Variants in LRP1 observed in about 807,000 individuals in gnomAD.
LRP1 encodes prolow-density lipoprotein receptor-related protein 1.
In LRP1, 51 loss-of-function variants were observed where a neutral mutation model predicts 541.5. The ratio of observed to expected loss-of-function variants is 0.09; its 90% CI spans 0.08 to 0.12. The LOEUF is 0.12. LRP1 is among the 10% of genes least tolerant of loss of function. LRP1 has a pLI of 1.00. For missense variants in LRP1, 3,878 were observed against 6,376.2 expected (o/e 0.61, Z 13.34); for synonymous variants, 2,219 against 2,470.8 (o/e 0.90, Z 3.02).
intron 6 of LRP1, among the ~76,000 whole-genome samples, chr12:57,152,457 A>G (rs535335157): frequency 6.6e-6 from 1 of 152,272 alleles, no homozygotes; most frequent in African/African-American, 2.4e-5. Context: ...CAGGGGATGC[A>G]GGCAGGTCCC....
chr12:57,141,516 G>A lies in LRP1; in HGVS notation c.328+5G>A. 6.2e-7 allele frequency: 1 copy of A among 1,614,158 alleles called. No homozygotes were observed. Among genetic ancestry groups the A allele is most frequent in the Non-Finnish European group, 8.5e-7 (1 of 1,180,020 alleles). On this transcript the variant is annotated splice_donor_5th_base_variant and intron_variant, in intron 3 of 88. Coordinates refer to ENST00000243077, the MANE Select transcript of LRP1 (RefSeq NM_002332.3). Reference sequence around the variant, plus strand: ...ATGAGGGGCCCCACTGCCGAGGTAAGGACTTTTCCACTCTCTACTCTCCCG... The same window carrying A: ...ATGAGGGGCCCCACTGCCGAGGTAAAGACTTTTCCACTCTCTACTCTCCCG...
In LRP1 at chr12:57,179,872, T is replaced by C; in HGVS notation, c.5057T>C (p.Val1686Ala). The change falls in exon 30 of 89, where the codon GTG (valine) becomes GCG (alanine). Residue 1686 changes from valine to alanine, a missense_variant. Coordinates refer to ENST00000243077, the MANE Select transcript of LRP1 (RefSeq NM_002332.3). The surrounding 1 kb of genome is among the most constrained non-coding windows in gnomAD (Gnocchi z 6.8). ...GACACCAATAAGAAGCAGATCAATG[T>C]GGCCCGGCTGGATGGCTCCTTCAAG... ...SYDTNKKQIN[V>A]ARLDGSFKNA... 6.2e-7 allele frequency: 1 copy of C among 1,614,166 alleles called. No individual in the cohort carries two copies. The highest frequency in any genetic ancestry group is 8.5e-7 in the Non-Finnish European group (1 of 1,180,028).
At position 57,145,222 on chromosome 12, in the gene LRP1, C is replaced by G; in HGVS notation, c.578-5C>G. The G allele has an allele frequency of 1.9e-6, 3 of 1,614,102 alleles. No individual in the cohort carries two copies. The highest frequency in any genetic ancestry group is 2.5e-6 in the Non-Finnish European group (3 of 1,179,998). On this transcript the variant is annotated splice_region_variant and splice_polypyrimidine_tract_variant and intron_variant, in intron 5 of 88. Transcript: ENST00000243077. ...TGCACGGACTCTTCTCTTCCCCATT[C>G]CCAGAGCCAGTAGACCGGCCCCCTG...
Position 57,145,071 on chromosome 12 carries a change from C to T in LRP1, c.548C>T (p.Pro183Leu), listed in dbSNP as rs79597834. Reference sequence around the variant, plus strand: ...TGTGTTGAAGGATACCTCCTGCAGCCGGATAACCGCTCCTGCAAGGCCAAG... The same window carrying T: ...TGTGTTGAAGGATACCTCCTGCAGCTGGATAACCGCTCCTGCAAGGCCAAG... ...CGCVEGYLLQ[P>L]DNRSCKAKNE... Residue 183 changes from proline to leucine, a missense_variant, in exon 5 of 89, where the codon CCG becomes CTG. Physicochemically the swap from Pro to Leu is moderately conservative, Grantham distance 98 (BLOSUM62 -3). Around this residue, in one of 13 missense-constraint regions of LRP1, gnomAD observed 293 missense variants for 403.7 expected, o/e 0.73. Coordinates refer to ENST00000243077, the MANE Select transcript of LRP1 (RefSeq NM_002332.3). 1.4e-5 allele frequency: 22 copies of T among 1,613,956 alleles called. No homozygotes were observed. Among genetic ancestry groups the T allele is most frequent in the East Asian group, 8.9e-5 (4 of 44,882 alleles).
At chr12:57,135,771 C>T (rs2035147078) in intron 1 of LRP1, among the ~76,000 whole-genome samples, 1 of 152,108 alleles carries the variant, frequency 6.6e-6, no homozygotes, top group Admixed American at 6.5e-5. Context: ...TCTCTCATTC[C>T]AGCTTTTGGA....
In LRP1 at chr12:57,143,797, A is replaced by C. The variant is rs888148835; in HGVS notation, c.447A>C (p.Lys149Asn). The C allele has an allele frequency of 1.9e-6, 3 of 1,613,242 alleles. No homozygotes were observed. Among genetic ancestry groups the C allele is most frequent in the Non-Finnish European group, 8.5e-7 (1 of 1,179,574 alleles). Residue 149 changes from lysine to asparagine, a missense_variant and splice_region_variant, in exon 4 of 89, where the codon AAA (lysine) becomes AAC (asparagine). Lys to Asn is a moderately conservative substitution (Grantham distance 94). Around this residue, in one of 13 missense-constraint regions of LRP1, gnomAD observed 293 missense variants for 403.7 expected, o/e 0.73. Coordinates refer to ENST00000243077, the MANE Select transcript of LRP1 (RefSeq NM_002332.3). ...TTCAGGCAGATGGCAAGACCTGCAA[A>C]GGTATGTGAGTGCATGTGCCTGTGT... is the stretch of plus-strand genomic sequence containing the variant. ...FQLQADGKTC[K>N]DFDECSVYGT...
chr12:57,207,614 G>C (rs1167750705), intron 76 of LRP1, among the ~76,000 whole-genome samples: 4 of 152,224 alleles, frequency 2.6e-5, no homozygotes, highest in African/African-American at 7.2e-5. Context: ...TCTTAGGATT[G>C]TGTTCTGAGG....
chr12:57,136,537 C>T (rs1277133044), intron 1 of LRP1, among the ~76,000 whole-genome samples: 2 of 152,224 alleles, frequency 1.3e-5, no homozygotes, highest in Admixed American at 6.5e-5. Flanking sequence ...ATGCCTAGTG[C>T]AGTGCCTGGC....
rs567633171 is a variant in LRP1, at chr12:57,179,090, C to G, written c.4738+69C>G. 2.8e-5 allele frequency: 44 copies of G among 1,561,118 alleles called. No individual in the cohort carries two copies. The East Asian group carries it at 5.6e-4, about 20-fold the overall frequency. The stretch of plus-strand genomic sequence containing the variant: ...AGGGAAGGCCGCAGGCCCCAGGATC[C>G]CGGTTGTCAGCTAAGGCAGAGTCCC... On this transcript the variant is annotated intron_variant, in intron 28 of 88. Transcript: ENST00000243077. This position sits in a 1 kb window ranked among gnomAD's most constrained non-coding sequence, Gnocchi z 6.8.
rs372912088 is a variant in LRP1 at position 57,205,278 on chromosome 12, G to T, written c.11335+29G>T. ...AGGCCCGGCAGCGGACCGGACGCTG[G>T]TGGGGAGTGGGGAGAGCCAAGCCCT... is the stretch of plus-strand genomic sequence containing the variant. On this transcript the variant is annotated intron_variant, in intron 73 of 88. Coordinates refer to ENST00000243077, the MANE Select transcript of LRP1 (RefSeq NM_002332.3). This position sits in a 1 kb window ranked among gnomAD's most constrained non-coding sequence, Gnocchi z 4.6. 1 of 1,599,034 alleles carries T rather than the reference G, an allele frequency of 6.3e-7. No individual in the cohort carries two copies. The highest frequency in any genetic ancestry group is 1.1e-5 in the South Asian group (1 of 89,844).
In LRP1 at chr12:57,158,619, G is replaced by A. The variant is rs750175825; in HGVS notation, c.1779G>A (p.Arg593=). 1 of 1,614,134 alleles carries A rather than the reference G, an allele frequency of 6.2e-7. No individual in the cohort carries two copies. The highest frequency in any genetic ancestry group is 8.5e-7 in the Non-Finnish European group (1 of 1,180,012). ...IGRQKIDGTE[R]ETILKDGIHN... Reference sequence around the variant, plus strand: ...GCCAGAAGATTGATGGCACTGAGCGGGAGACCATCCTGAAGGACGGTATGG... The same window carrying A: ...GCCAGAAGATTGATGGCACTGAGCGAGAGACCATCCTGAAGGACGGTATGG... Residue 593 remains arginine (R), a synonymous_variant, in exon 11 of 89, where the codon CGG becomes CGA. Transcript: ENST00000243077. This position sits in a 1 kb window ranked among gnomAD's most constrained non-coding sequence, Gnocchi z 5.3.
At chr12:57,151,973 G>A (rs6581124) in intron 6 of LRP1, among the ~76,000 whole-genome samples, 35,274 of 152,060 alleles carry the variant, frequency 0.23, 4,359 homozygotes, top group Admixed American at 0.33. Context: ...GAGGACTCCA[G>A]TTCTTGCCAA....
chr12:57,144,747 T>A, intron 4 of LRP1: 2 of 570,560 alleles, frequency 3.5e-6, no homozygotes, highest in Non-Finnish European at 3.1e-6. Flanking sequence ...CAATAAATCT[T>A]CCCTGCGTGG....
At chr12:57,153,649 C>A (rs1310630738) in intron 6 of LRP1, among the ~76,000 whole-genome samples, 1 of 152,176 alleles carries the variant, frequency 6.6e-6, no homozygotes, top group African/African-American at 2.4e-5. Context: ...TGGTGCCCAA[C>A]CTTTTGCCCC....
At position 57,133,437 on chromosome 12, in the gene LRP1, C is replaced by T. The variant is rs73120415; in HGVS notation, c.67+4406C>T. On this transcript the variant is annotated intron_variant, in intron 1 of 88. Transcript: ENST00000243077. ...ACCCTGTCTGTCTGTCTGTCCAGGC[C>T]GCAAAGCAGAGGCCCAGACTCAGGA... Among the ~76,000 whole-genome samples, 940 of 152,178 alleles carry T rather than the reference C, an allele frequency of 6.2e-3. 4 individuals are homozygous for T. Among genetic ancestry groups the T allele is most frequent in the Non-Finnish European group, 7.8e-3 (531 of 68,000 alleles).
Position 57,212,408 on chromosome 12 carries a change from C to A in LRP1, c.13495-7C>A. 6.2e-7 allele frequency: 1 copy of A among 1,614,056 alleles called. No individual in the cohort carries two copies. The highest frequency in any genetic ancestry group is 8.5e-7 in the Non-Finnish European group (1 of 1,180,016). On this transcript the variant is annotated splice_polypyrimidine_tract_variant and splice_region_variant and intron_variant, in intron 88 of 88. Coordinates refer to ENST00000243077, the MANE Select transcript of LRP1 (RefSeq NM_002332.3). This position sits in a 1 kb window ranked among gnomAD's most constrained non-coding sequence, Gnocchi z 5.0. Reference sequence around the variant, plus strand: ...GAGCCCTACCTGAACCCTCTGTCACCCTGCAGCCCACCAACTTCACCAACC... The same window carrying A: ...GAGCCCTACCTGAACCCTCTGTCACACTGCAGCCCACCAACTTCACCAACC...
chr12:57,205,000 C>T lies in LRP1; in HGVS notation c.11195-109C>T. The T allele has an allele frequency of 6.7e-7, 1 of 1,489,590 alleles. No individual in the cohort carries two copies. Among genetic ancestry groups the T allele is most frequent in the Non-Finnish European group, 9.1e-7 (1 of 1,104,036 alleles). 92.3% of individuals were successfully genotyped at this position (1,489,590 alleles called of 1,614,324 possible). ...AACCCAAATGTTTGACCTGCTCCCC[C>T]TGCAAGCCTTGTCACTTAGGAATTG... On this transcript the variant is annotated intron_variant, in intron 72 of 88. Coordinates refer to ENST00000243077, the MANE Select transcript of LRP1 (RefSeq NM_002332.3). This position sits in a 1 kb window ranked among gnomAD's most constrained non-coding sequence, Gnocchi z 5.3.
At chr12:57,191,553 T>C (rs1034848306) in intron 44 of LRP1, 41 bp downstream of exon 44, 6 of 1,541,430 alleles carry the variant, frequency 3.9e-6, no homozygotes, top group Non-Finnish European at 5.3e-6. Context: ...CTCCTGCCTG[T>C]CGTGCATGGA....
rs1229413120 is a variant in LRP1, at chr12:57,206,574, G to C, written c.11692G>C (p.Glu3898Gln). 1.2e-6 allele frequency: 2 copies of C among 1,614,196 alleles called. No homozygotes were observed. Among genetic ancestry groups the C allele is most frequent in the Non-Finnish European group, 8.5e-7 (1 of 1,180,048 alleles). The change falls in exon 76 of 89, where the codon GAG becomes CAG. Residue 3898 changes from glutamate to glutamine, a missense_variant. Physicochemically the swap from Glu to Gln is conservative, Grantham distance 29 (BLOSUM62 2). Transcript: ENST00000243077. This position sits in a 1 kb window ranked among gnomAD's most constrained non-coding sequence, Gnocchi z 4.7. Reference protein sequence around the residue: ...SAYEQAFQGDESVRIDAMDVH... With the variant: ...SAYEQAFQGDQSVRIDAMDVH... Reference sequence around the variant, plus strand: ...TTACGAGCAGGCATTCCAGGGTGACGAGAGTGTCCGCATTGATGCTATGGA... The same window carrying C: ...TTACGAGCAGGCATTCCAGGGTGACCAGAGTGTCCGCATTGATGCTATGGA...
Sources: allele counts gnomAD v4.1 joint callset (sites outside exome capture counted in the v4.1 genomes callset), GRCh38; gene constraint gnomAD v4.1.1; regional missense constraint gnomAD v4.1.1; non-coding constraint Gnocchi (gnomAD v3.1); transcripts MANE v1.5; gene names NCBI Gene and HGNC (gene_info 2026-07-23, HGNC 2026-07-21).